Variants in SLC16A12 observed in about 807,000 individuals in gnomAD.
SLC16A12 encodes the protein monocarboxylate transporter 12.
In SLC16A12, 17 loss-of-function variants were observed where a neutral mutation model predicts 42.4. The ratio of observed to expected loss-of-function variants is 0.40; its 90% confidence interval spans 0.27 to 0.60. The LOEUF (loss-of-function observed/expected upper bound fraction) is 0.60. Ranked by LOEUF, SLC16A12 falls within the 20% of genes least tolerant of loss-of-function variation. SLC16A12 has a pLI of 0.42. For missense variants in SLC16A12, 544 were observed against 623.0 expected, an observed-to-expected ratio of 0.87 and a Z score of 1.35; for synonymous variants, 224 against 229.4, an observed-to-expected ratio of 0.98 and a Z score of 0.21.
chr10:89,482,208 T>G (rs1842674845), intron 2 of SLC16A12, among the ~76,000 whole-genome samples: 1 of 150,322 alleles, frequency 6.7e-6, no homozygotes. Flanking sequence ...TTCAGTTTAC[T>G]TTGGATTATC....
At chr10:89,548,802 C>G (rs369675883) in intron 2 of SLC16A12, among the ~76,000 whole-genome samples, 1 of 152,000 alleles carries the variant, frequency 6.6e-6, no homozygotes, top group African/African-American at 2.4e-5. Flanking sequence ...GGTGACAGAG[C>G]GAGACTCTGT....
intron 4 of SLC16A12, 102 bp downstream of exon 4, chr10:89,443,654 C>A: frequency 1.2e-6 from 1 of 857,342 alleles, no homozygotes; most frequent in Non-Finnish European, 2.0e-6. Flanking sequence ...TTAATGTAGC[C>A]CTTCTACTTA....
intron 5 of SLC16A12, among the ~76,000 whole-genome samples, chr10:89,440,545 T>C (rs1161568969): frequency 6.6e-6 from 1 of 152,254 alleles, no homozygotes; most frequent in Non-Finnish European, 1.5e-5. Context: ...CACAATCCTA[T>C]GCAGTCTCTG....
chr10:89,516,155 A>G (rs1420681954), intron 2 of SLC16A12, among the ~76,000 whole-genome samples: 1 of 152,168 alleles, frequency 6.6e-6, no homozygotes, highest in Non-Finnish European at 1.5e-5. Context: ...CTAAGACAGC[A>G]GCAGATTAGA....
intron 3 of SLC16A12, among the ~76,000 whole-genome samples, chr10:89,459,848 G>A (rs1302576127): frequency 2.6e-5 from 4 of 152,206 alleles, no homozygotes; most frequent in Non-Finnish European, 4.4e-5. Context: ...GGCTGAGACA[G>A]GAGAATCACT....
At chr10:89,457,047 A>G (rs1842204774) in intron 3 of SLC16A12, among the ~76,000 whole-genome samples, 2 of 152,192 alleles carry the variant, frequency 1.3e-5, no homozygotes, top group Admixed American at 1.3e-4. Flanking sequence ...TTATAATAGA[A>G]TGATTTATAT....
At chr10:89,459,310 T>G (rs530130063) in intron 3 of SLC16A12, among the ~76,000 whole-genome samples, 30 of 132,386 alleles carry the variant, frequency 2.3e-4, no homozygotes, top group Non-Finnish European at 3.3e-4. Flanking sequence ...ACCAAGGCAG[T>G]TTTTTTAAAA....
intron 2 of SLC16A12, among the ~76,000 whole-genome samples, chr10:89,545,746 A>G (rs1013616554): frequency 6.6e-6 from 1 of 152,240 alleles, no homozygotes; most frequent in African/African-American, 2.4e-5. Flanking sequence ...AAAACCTCAC[A>G]TAGCCAAGAC....
At chr10:89,484,827 T>C (rs892353376) in intron 2 of SLC16A12, among the ~76,000 whole-genome samples, 9 of 152,210 alleles carry the variant, frequency 5.9e-5, no homozygotes, top group African/African-American at 2.2e-4. Flanking sequence ...TGCACTCAGA[T>C]ACAAGGGAAA....
In SLC16A12 at chr10:89,531,807, G is replaced by A. The variant is rs188764010; in HGVS notation, c.-47+2694C>T. Among the ~76,000 whole-genome samples the A allele has an allele frequency of 2.5e-3, 381 of 152,242 alleles. 5 individuals carry two copies. Among genetic ancestry groups the A allele is most frequent in the South Asian group, 1.0e-2 (48 of 4,824 alleles). ...CCTCTGCCTCTATAAAAGCTTTACC[G>A]TGCTTTACCATCTTTCAAGAAGCAA... On this transcript the variant is annotated intron_variant, in intron 2 of 7. Coordinates refer to ENST00000371790, the MANE Select transcript of SLC16A12 (RefSeq NM_213606.4).
chr10:89,495,106 T>C (rs1380334318), intron 2 of SLC16A12, among the ~76,000 whole-genome samples: 1 of 152,000 alleles, frequency 6.6e-6, no homozygotes, highest in Admixed American at 6.6e-5. Context: ...ATCCCAGCAC[T>C]TTGGGAGGTC....
At chr10:89,438,092 TG>T (rs1841832589) in intron 6 of SLC16A12, among the ~76,000 whole-genome samples, 2 of 152,192 alleles carry the variant, frequency 1.3e-5, no homozygotes, top group African/African-American at 2.4e-5. Context: ...TGACTTGTCT[TG>T]GGATGGAATT....
At position 89,518,833 on chromosome 10, in the gene SLC16A12, G is replaced by T. The variant is rs112120146; in HGVS notation, c.-47+15668C>A. Among the ~76,000 whole-genome samples, 125 of 152,242 alleles carry T rather than the reference G, an allele frequency of 8.2e-4. 1 individual carries two copies. Among genetic ancestry groups the T allele is most frequent in the African/African-American group, 2.9e-3 (120 of 41,534 alleles). ...GTCACTGCTGGTGGACCCTTATGTG[G>T]CAGGGGTGGTCCCACTTTTTGCTTT... On this transcript the variant is annotated intron_variant, in intron 2 of 7. Coordinates refer to ENST00000371790, the MANE Select transcript of SLC16A12 (RefSeq NM_213606.4).
intron 2 of SLC16A12, among the ~76,000 whole-genome samples, chr10:89,545,259 C>A (rs1197594039): frequency 6.6e-5 from 10 of 152,170 alleles, no homozygotes; most frequent in Non-Finnish European, 8.8e-5. Context: ...AAATGTTTAT[C>A]ATCATAGCCA....
chr10:89,523,071 A>G (rs1843384813), intron 2 of SLC16A12, among the ~76,000 whole-genome samples: 1 of 152,162 alleles, frequency 6.6e-6, no homozygotes, highest in African/African-American at 2.4e-5. Flanking sequence ...TAGTCTTGCC[A>G]GCTAGTATCC....
At chr10:89,536,423 T>C (rs973808637), upstream of SLC16A12, among the ~76,000 whole-genome samples, 1 of 152,012 alleles carries the variant, frequency 6.6e-6, no homozygotes, top group Admixed American at 6.6e-5. Context: ...CACTTTTGCT[T>C]GTAAAACAAA....
intron 3 of SLC16A12, among the ~76,000 whole-genome samples, chr10:89,444,285 T>C (rs1841962917): frequency 6.6e-6 from 1 of 152,196 alleles, no homozygotes. Flanking sequence ...GATAGATAGA[T>C]AAAAGGATAT....
chr10:89,450,360 C>T (rs759809657), intron 3 of SLC16A12, among the ~76,000 whole-genome samples: 30 of 152,256 alleles, frequency 2.0e-4, no homozygotes, highest in Non-Finnish European at 3.8e-4. Flanking sequence ...GGAACCAAGC[C>T]AAATGTCCAT....
rs940060935 is a variant in SLC16A12 at position 89,438,608 on chromosome 10, T to C, written c.1024A>G (p.Arg342Gly). 9.3e-6 allele frequency: 15 copies of C among 1,613,510 alleles called. No homozygotes were observed. The African/African-American group carries it at 2.0e-4, about 22-fold the overall frequency. ...GNITFGWLTD[R>G]RCLKNYQYVC... is the part of the protein sequence containing the mutation. ...TTGTGGTTTCATGAATTTTACCTTC[T>C]GTCGGTCAGCCATCCAAATGTGATA... The change falls in exon 6 of 8, where the codon AGA becomes GGA. Residue 342 changes from arginine to glycine, a missense_variant. Arg to Gly is a moderately radical substitution (Grantham distance 125). Transcript: ENST00000371790.
Sources: allele counts gnomAD v4.1 joint callset (sites outside exome capture counted in the v4.1 genomes callset), GRCh38; gene constraint gnomAD v4.1.1; transcripts MANE v1.5; gene names NCBI Gene and HGNC (gene_info 2026-07-23, HGNC 2026-07-21).